PRSS57: variants seen among roughly 807,000 people sequenced by gnomAD.
PRSS57 encodes the protein neutrophil serine protease 4.
A neutral mutation model predicts 20.6 loss-of-function variants in PRSS57; 19 were observed. That is an observed-to-expected ratio of 0.92 (90% confidence interval 0.64 to 1.35). The LOEUF is 1.35. Ranked by LOEUF, PRSS57 falls within the 40% of genes most tolerant of loss-of-function variation. The probability of loss-of-function intolerance (pLI) is 0.00; values close to 1 mark genes in which losing one functional copy is unlikely to be tolerated. For missense variants in PRSS57, 440 were observed against 403.7 expected, an observed-to-expected ratio of 1.09 and a Z score of -0.77; for synonymous variants, 203 against 176.6, an observed-to-expected ratio of 1.15 and a Z score of -1.19.
rs1036914907 is a variant in PRSS57 at position 690,565 on chromosome 19, G to A, written c.378+1293C>T. 14 of 259,342 alleles carry A rather than the reference G, an allele frequency of 5.4e-5. 1 individual carries two copies. The East Asian group carries it at 1.2e-3, about 22-fold the overall frequency. The allele number at this position is 259,342 out of a possible 1,614,324, so 16.1% of individuals were successfully genotyped here. Reference sequence around the variant, plus strand: ...TGGAGGAGATCTGTCTCTTCTCCCTGCCCATCAAGGAATCTGAGATCATTG... The same window carrying A: ...TGGAGGAGATCTGTCTCTTCTCCCTACCCATCAAGGAATCTGAGATCATTG... On this transcript the variant is annotated intron_variant, in intron 3 of 4. Transcript: ENST00000329267.
At position 694,833 on chromosome 19, in the gene PRSS57, C is replaced by A; in HGVS notation, c.214G>T (p.Ala72Ser). 1 of 1,606,706 alleles carries A rather than the reference C, an allele frequency of 6.2e-7. No individual in the cohort carries two copies. Among genetic ancestry groups the A allele is most frequent in the Non-Finnish European group, 8.5e-7 (1 of 1,177,484 alleles). Residue 72 changes from alanine (A) to serine (S), a missense_variant, in exon 2 of 5, where the codon GCC becomes TCC. Physicochemically the swap from Ala to Ser is moderately conservative, Grantham distance 99. Transcript: ENST00000329267. ...GCTCACCTGTGGCTGAAGCAGTGGG[C>A]GGCCGAGACCACCCAGCGGGCTCGC... is the stretch of plus-strand genomic sequence containing the variant. ...LLRARWVVSA[A>S]HCFSHRDLRT...
At chr19:686,873 G>A in intron 4 of PRSS57, 52 bp downstream of exon 4, 1 of 1,574,146 alleles carries the variant, frequency 6.4e-7, no homozygotes, top group Non-Finnish European at 8.6e-7. Context: ...CCCTCTCTGT[G>A]GGCCTTGGTT....
rs886180682 is a variant in PRSS57 at position 687,255 on chromosome 19, C to T, written c.379-67G>A. On this transcript the variant is annotated intron_variant, in intron 3 of 4. Coordinates refer to ENST00000329267, the MANE Select transcript of PRSS57 (RefSeq NM_001308209.2). ...CACCCCCGCTCCTGCCTCAGTTTAT[C>T]CATGGGACCCCTGGTCCTGCCCTTG... 18 of 1,429,030 alleles carry T rather than the reference C, an allele frequency of 1.3e-5. No homozygotes were observed. The African/African-American group carries it at 1.6e-4, about 13-fold the overall frequency. 88.5% of individuals were successfully genotyped at this position (1,429,030 alleles called of 1,614,324 possible). A position where few individuals can be genotyped will look rare whatever the true frequency, so the allele number is the denominator to read the frequency against.
intron 2 of PRSS57, 82 bp from the exon 3 acceptor site, chr19:692,084 C>G: frequency 3.3e-6 from 4 of 1,214,270 alleles, no homozygotes; most frequent in South Asian, 4.0e-5. Flanking sequence ...GAAACGGAGG[C>G]CCAGGCCGGG....
At chr19:689,334 C>T (rs981056103) in intron 3 of PRSS57, among the ~76,000 whole-genome samples, 7 of 151,984 alleles carry the variant, frequency 4.6e-5, no homozygotes, top group South Asian at 2.1e-4. Context: ...TGGTCCAGGG[C>T]GGCCTCCTGG....
chr19:688,058 G>A (rs546996530), intron 3 of PRSS57, among the ~76,000 whole-genome samples: 10 of 152,334 alleles, frequency 6.6e-5, no homozygotes, highest in South Asian at 2.1e-4. Flanking sequence ...GTGACACCCC[G>A]GGCTCTGTGT....
At chr19:687,713 T>G (rs890262765) in intron 3 of PRSS57, among the ~76,000 whole-genome samples, 8 of 151,150 alleles carry the variant, frequency 5.3e-5, no homozygotes, top group African/African-American at 1.9e-4. Context: ...CCTCAAAGAG[T>G]CTTTCAAACT....
intron 3 of PRSS57, chr19:690,600 T>C: frequency 4.0e-6 from 1 of 252,956 alleles, no homozygotes; most frequent in South Asian, 4.3e-5. Context: ...GACCTTTTCC[T>C]GAGGGCCTCT....
intron 3 of PRSS57, among the ~76,000 whole-genome samples, chr19:688,918 G>A (rs912891477): frequency 3.9e-5 from 6 of 152,098 alleles, no homozygotes; most frequent in Non-Finnish European, 5.9e-5. Flanking sequence ...GACTTTAAGC[G>A]TCTCCTCCAC....
intron 2 of PRSS57, among the ~76,000 whole-genome samples, chr19:694,030 G>A (rs1301732926): frequency 2.6e-5 from 4 of 151,746 alleles, no homozygotes; most frequent in Middle Eastern, 3.4e-3. Flanking sequence ...ATGAGCCACC[G>A]CACCCAGCCT....
intron 2 of PRSS57, among the ~76,000 whole-genome samples, chr19:694,608 C>A (rs1484957645): frequency 6.7e-6 from 1 of 148,800 alleles, no homozygotes; most frequent in Non-Finnish European, 1.5e-5. Flanking sequence ...AGAATATGTA[C>A]TTGTTGCGCC....
intron 3 of PRSS57, among the ~76,000 whole-genome samples, chr19:688,446 T>C (rs2031538108): frequency 6.6e-6 from 1 of 150,532 alleles, no homozygotes; most frequent in East Asian, 2.0e-4. Flanking sequence ...GTTCAAGCGA[T>C]TCTCCTGCCT....
In PRSS57 at chr19:685,584, C is replaced by T; in HGVS notation, c.*132G>A. On this transcript the variant is annotated 3_prime_UTR_variant, in exon 5 of 5. Coordinates refer to ENST00000329267, the MANE Select transcript of PRSS57 (RefSeq NM_001308209.2). ...TTACTGGGTTTGCTTCTGCCCTTTG[C>T]ATGTGGAATGGGTGTGCCCCACCGC... is the stretch of plus-strand genomic sequence containing the variant. 2.4e-6 allele frequency: 2 copies of T among 836,680 alleles called. No homozygotes were observed. The highest frequency in any genetic ancestry group is 3.6e-6 in the Non-Finnish European group (2 of 554,356). The allele number at this position is 836,680 out of a possible 1,614,324, so 51.8% of individuals were successfully genotyped here.
At chr19:688,673 A>ACGGCAACCTCTGCCTCC (rs1176879365) in intron 3 of PRSS57, among the ~76,000 whole-genome samples, 1 of 147,370 alleles carries the variant, frequency 6.8e-6, no homozygotes, top group African/African-American at 2.6e-5. Context: ...ATCTCGGCTC[A>ACGGCAACCTCTGCCTCC]CGGCAACCTC....
At chr19:693,762 C>G (rs1338676557) in intron 2 of PRSS57, among the ~76,000 whole-genome samples, 1 of 151,652 alleles carries the variant, frequency 6.6e-6, no homozygotes, top group Admixed American at 6.6e-5. Context: ...TTTTTTGAGA[C>G]AGAGTCTCGC....
chr19:685,968 C>A, intron 4 of PRSS57, 46 bp from the exon 5 acceptor site: 1 of 1,476,460 alleles, frequency 6.8e-7, no homozygotes, highest in Non-Finnish European at 9.1e-7. Context: ...GGAGCTGCTG[C>A]AGGCACATCT....
At chr19:692,079 G>A (rs949225343) in intron 2 of PRSS57, 77 bp from the exon 3 acceptor site, 52 of 1,223,354 alleles carry the variant, frequency 4.3e-5, no homozygotes, top group Non-Finnish European at 2.9e-5. Context: ...TCTATGAAAC[G>A]GAGGCCCAGG....
chr19:688,831 T>G (rs1447712376), intron 3 of PRSS57, among the ~76,000 whole-genome samples: 1 of 151,976 alleles, frequency 6.6e-6, no homozygotes, highest in Non-Finnish European at 1.5e-5. Flanking sequence ...ACTCCTGACC[T>G]CAAATGATCT....
intron 3 of PRSS57, chr19:691,276 T>G (rs1177462943): frequency 6.7e-6 from 1 of 149,488 alleles, no homozygotes; most frequent in Non-Finnish European, 1.5e-5. Flanking sequence ...GAGGCTGAGG[T>G]GGGTGGATCA....
Sources: allele counts gnomAD v4.1 joint callset (sites outside exome capture counted in the v4.1 genomes callset), GRCh38; gene constraint gnomAD v4.1.1; transcripts MANE v1.5; gene names NCBI Gene and HGNC (gene_info 2026-07-23, HGNC 2026-07-21).